Variants in CTIF observed in about 807,000 individuals in gnomAD.
CTIF encodes the protein cap binding complex dependent translation initiation factor, also known as CBP80/20-dependent translation initiation factor.
A neutral mutation model predicts 66.0 loss-of-function variants in CTIF; 21 were observed. That is an observed-to-expected ratio of 0.32 (90% CI 0.23 to 0.46). The LOEUF (loss-of-function observed/expected upper bound fraction) is 0.46. CTIF is among the 20% of genes least tolerant of loss of function. The pLI is 1.00. For synonymous variants in CTIF, 345 were observed against 326.4 expected (o/e 1.06, Z -0.62); for missense variants, 739 against 812.7 (o/e 0.91, Z 1.10).
At chr18:48,642,366 A>G (rs564752508) in intron 3 of CTIF, among the ~76,000 whole-genome samples, 1 of 152,312 alleles carries the variant, frequency 6.6e-6, no homozygotes, top group African/African-American at 2.4e-5. Context: ...GGCCTGACCT[A>G]TGCCTTTGGG....
At chr18:48,852,788 A>T (rs993963410) in intron 10 of CTIF, among the ~76,000 whole-genome samples, 11 of 152,334 alleles carry the variant, frequency 7.2e-5, no homozygotes, top group Middle Eastern at 3.4e-3. Flanking sequence ...TATGTGTGGG[A>T]TAAATTCCTA....
rs553906659 is a variant in CTIF at position 48,731,019 on chromosome 18, C to T, written c.584+19324C>T. 4.9e-4 allele frequency among the ~76,000 whole-genome samples: 75 copies of T among 152,118 alleles called. 2 individuals carry two copies. Among genetic ancestry groups the T allele is most frequent in the Admixed American group, 2.0e-4 (3 of 15,294 alleles). Reference sequence around the variant, plus strand: ...TGGGGGAGAAGAGAAAAGTGGAGAACCATTTGGAAGGGTCTGGGGGCCAGG... The same window carrying T: ...TGGGGGAGAAGAGAAAAGTGGAGAATCATTTGGAAGGGTCTGGGGGCCAGG... On this transcript the variant is annotated intron_variant, in intron 7 of 11. Transcript: ENST00000256413.
intron 9 of CTIF, among the ~76,000 whole-genome samples, chr18:48,762,620 T>G (rs1363247194): frequency 6.6e-6 from 1 of 152,210 alleles, no homozygotes; most frequent in Admixed American, 6.5e-5. Flanking sequence ...TGAGATAAAA[T>G]GGTAGTTTCC....
chr18:48,682,164 C>T (rs757656461), intron 6 of CTIF, among the ~76,000 whole-genome samples: 2 of 152,170 alleles, frequency 1.3e-5, no homozygotes, highest in Admixed American at 1.3e-4. Flanking sequence ...TTTTCCAATG[C>T]GTTAGTTTAT....
At chr18:48,562,925 C>G (rs2089195115) in intron 1 of CTIF, among the ~76,000 whole-genome samples, 1 of 152,216 alleles carries the variant, frequency 6.6e-6, no homozygotes, top group South Asian at 2.1e-4. Flanking sequence ...TCATAAAAAT[C>G]AGCAAAGGAG....
chr18:48,667,219 G>T (rs2091452200), intron 5 of CTIF, among the ~76,000 whole-genome samples: 2 of 152,188 alleles, frequency 1.3e-5, no homozygotes, highest in Admixed American at 1.3e-4. Flanking sequence ...AGAAAGACTA[G>T]ACTATGCGGT....
At chr18:48,707,246 C>T (rs192902440) in intron 6 of CTIF, among the ~76,000 whole-genome samples, 1 of 152,334 alleles carries the variant, frequency 6.6e-6, no homozygotes, top group African/African-American at 2.4e-5. Flanking sequence ...ATACATTTCC[C>T]ATTTACCATT....
intron 9 of CTIF, among the ~76,000 whole-genome samples, chr18:48,769,197 TA>T (rs1909869737): frequency 6.6e-6 from 1 of 152,210 alleles, no homozygotes; most frequent in Non-Finnish European, 1.5e-5. Context: ...GCATGTAAAC[TA>T]ATTTTAATGT....
chr18:48,755,603 G>C (rs146105406), intron 7 of CTIF: 13 of 152,386 alleles, frequency 8.5e-5, no homozygotes, highest in African/African-American at 2.2e-4. Context: ...CAGTGAGGAG[G>C]GGGGTGTGTT....
intron 1 of CTIF, chr18:48,539,661 G>C (rs1461398660): frequency 1.3e-5 from 2 of 152,618 alleles, no homozygotes; most frequent in African/African-American, 4.8e-5. Context: ...AGCCCGGCTC[G>C]CTTTGGAGCT....
intron 6 of CTIF, among the ~76,000 whole-genome samples, chr18:48,679,742 T>C (rs2091706679): frequency 6.6e-6 from 1 of 151,836 alleles, no homozygotes; most frequent in East Asian, 1.9e-4. Flanking sequence ...CCCACAGAGG[T>C]TTCTTGGTTT....
intron 9 of CTIF, among the ~76,000 whole-genome samples, chr18:48,767,824 T>C (rs1909719946): frequency 6.6e-6 from 1 of 152,092 alleles, no homozygotes; most frequent in Non-Finnish European, 1.5e-5. Flanking sequence ...TCATCAAGCA[T>C]TGTGTTTTGG....
At chr18:48,797,203 C>A (rs1392056824) in intron 9 of CTIF, among the ~76,000 whole-genome samples, 1 of 152,214 alleles carries the variant, frequency 6.6e-6, no homozygotes. Context: ...AACTTTCTGG[C>A]TGGGCACGAT....
chr18:48,665,908 C>T (rs1273174500), intron 5 of CTIF, among the ~76,000 whole-genome samples: 1 of 152,150 alleles, frequency 6.6e-6, no homozygotes, highest in East Asian at 1.9e-4. Flanking sequence ...CACCTTTTGG[C>T]TATTGTCAAA....
In CTIF at chr18:48,686,702, A is replaced by C. The variant is rs117175136; in HGVS notation, c.507+15958A>C. Among the ~76,000 whole-genome samples the C allele has an allele frequency of 7.1e-4, 108 of 152,290 alleles. 1 individual carries two copies. In the East Asian group the frequency reaches 0.019, roughly 27 times the overall value. ...AAGGGAAGGGGACTTGGGGAGTCTCATATTTAGACTTCGATCTGGTTCTGC... is the reference window on the plus strand; with the variant it reads ...AAGGGAAGGGGACTTGGGGAGTCTCCTATTTAGACTTCGATCTGGTTCTGC... On this transcript the variant is annotated intron_variant, in intron 6 of 11. Transcript: ENST00000256413.
At chr18:48,739,364 G>A (rs1003212893) in intron 7 of CTIF, among the ~76,000 whole-genome samples, 2 of 152,194 alleles carry the variant, frequency 1.3e-5, no homozygotes, top group Non-Finnish European at 2.9e-5. Flanking sequence ...GGCCCATGAC[G>A]CCTTTGTGAA....
intron 9 of CTIF, among the ~76,000 whole-genome samples, chr18:48,808,771 C>A (rs2068203726): frequency 6.6e-6 from 1 of 152,152 alleles, no homozygotes; most frequent in Non-Finnish European, 1.5e-5. Flanking sequence ...AGCTCTACAG[C>A]CTCTTAATGA....
intron 1 of CTIF, among the ~76,000 whole-genome samples, chr18:48,603,483 GT>G (rs2090140007): frequency 9.0e-6 from 1 of 111,444 alleles, no homozygotes; most frequent in African/African-American, 4.0e-5. Context: ...AGATGGGTGG[GT>G]GGGTGGGTGG....
chr18:48,790,423 G>A (rs2067766016), intron 9 of CTIF, among the ~76,000 whole-genome samples: 1 of 152,218 alleles, frequency 6.6e-6, no homozygotes, highest in African/African-American at 2.4e-5. Context: ...AGGGGGCATG[G>A]GGCTAAGGGA....
Sources: gnomAD v4.1 joint callset for allele counts (sites outside exome capture counted in the v4.1 genomes callset) on GRCh38, gnomAD v4.1.1 for gene constraint, MANE v1.5 for transcripts, NCBI Gene and HGNC (gene_info 2026-07-23, HGNC 2026-07-21) for gene names.